The following CSMD1 variants were observed in gnomAD, a reference collection of about 807,000 sequenced individuals.
The protein encoded by CSMD1 is CUB and sushi domain-containing protein 1.
CSMD1 carries 213 observed loss-of-function variants against 417.5 expected under a neutral mutation model. The observed-to-expected ratio is 0.51, with a 90% CI of 0.46 to 0.57. CSMD1 has a LOEUF of 0.57. Ranked by LOEUF, CSMD1 falls within the 20% of genes least tolerant of loss-of-function variation. The pLI, the probability that CSMD1 is intolerant of heterozygous loss-of-function variation, is 0.00. For missense variants in CSMD1, 6,923 were observed against 4,529.7 expected (o/e 1.53, Z -15.17); for synonymous variants, 2,862 against 1,736.8 (o/e 1.65, Z -16.11).
intron 1 of CSMD1, among the ~76,000 whole-genome samples, chr8:4,809,665 T>C (rs565059379): frequency 2.6e-5 from 4 of 152,334 alleles, no homozygotes; most frequent in Admixed American, 6.5e-5. Flanking sequence ...CTAGGGGCCA[T>C]ATTTAAAAAG....
intron 3 of CSMD1, among the ~76,000 whole-genome samples, chr8:4,037,567 C>T (rs1211588200): frequency 1.3e-5 from 2 of 151,852 alleles, no homozygotes; most frequent in East Asian, 1.9e-4. Flanking sequence ...TGCAAGGTGC[C>T]GTTTTTCAAC....
At chr8:3,873,931 T>C (rs545574506) in intron 5 of CSMD1, among the ~76,000 whole-genome samples, 138 of 152,262 alleles carry the variant, frequency 9.1e-4, no homozygotes, top group African/African-American at 3.2e-3. Context: ...GATCTGACTT[T>C]GGATTCTGAA....
intron 3 of CSMD1, among the ~76,000 whole-genome samples, chr8:4,096,377 T>G (rs1801012402): frequency 6.6e-6 from 1 of 151,976 alleles, no homozygotes; most frequent in South Asian, 2.1e-4. Context: ...AGACATGGCC[T>G]AGTGGATGCC....
At chr8:4,801,141 A>T (rs575306238) in intron 1 of CSMD1, among the ~76,000 whole-genome samples, 5 of 152,288 alleles carry the variant, frequency 3.3e-5, no homozygotes, top group African/African-American at 1.2e-4. Flanking sequence ...CATTTTTTGT[A>T]TCTTACCTTA....
intron 5 of CSMD1, among the ~76,000 whole-genome samples, chr8:3,947,288 G>C (rs1291455938): frequency 5.9e-5 from 9 of 152,060 alleles, no homozygotes; most frequent in Non-Finnish European, 5.9e-5. Context: ...ACGTGATTAT[G>C]TATGCAGCTT....
chr8:4,895,173 T>A (rs1054270674), intron 1 of CSMD1, among the ~76,000 whole-genome samples: 22 of 152,288 alleles, frequency 1.4e-4, no homozygotes, highest in African/African-American at 5.3e-4. Flanking sequence ...TAATAACTAT[T>A]TGTAGAAGGT....
At chr8:3,503,953 C>T (rs143081306) in intron 10 of CSMD1, among the ~76,000 whole-genome samples, 26 of 151,704 alleles carry the variant, frequency 1.7e-4, no homozygotes, top group African/African-American at 4.6e-4. Flanking sequence ...GGGGTTAGGG[C>T]GTGGACAAGA....
rs373113545 is a variant in CSMD1, at chr8:4,402,328, T to C, written c.415+17625A>G. ...CTCTTTCCCTCCTTCAAATCTATACTTCATCATCACACTCCTTCCCCTGAC... is the reference window on the plus strand; with the variant it reads ...CTCTTTCCCTCCTTCAAATCTATACCTCATCATCACACTCCTTCCCCTGAC... On this transcript the variant is annotated intron_variant, in intron 3 of 69. Transcript: ENST00000635120. 9.2e-5 allele frequency among the ~76,000 whole-genome samples: 14 copies of C among 152,064 alleles called. No individual in the cohort carries two copies. In the East Asian group the frequency reaches 1.9e-3, roughly 21 times the overall value.
At chr8:3,276,690 T>A (rs1802319897) in intron 26 of CSMD1, among the ~76,000 whole-genome samples, 1 of 152,186 alleles carries the variant, frequency 6.6e-6, no homozygotes, top group Non-Finnish European at 1.5e-5. Flanking sequence ...TATTAAAGGC[T>A]TTACTATGAA....
chr8:3,681,406 G>C (rs899341178), intron 7 of CSMD1, among the ~76,000 whole-genome samples: 7 of 152,090 alleles, frequency 4.6e-5, no homozygotes, highest in Non-Finnish European at 8.8e-5. Context: ...CAGACAAACA[G>C]AGAGCCAAAT....
At chr8:3,202,117 G>C (rs977321169) in intron 31 of CSMD1, among the ~76,000 whole-genome samples, 1 of 152,128 alleles carries the variant, frequency 6.6e-6, no homozygotes, top group African/African-American at 2.4e-5. Flanking sequence ...GCAATGAGCT[G>C]AGATTGTACC....
chr8:4,226,933 T>C (rs1302387685), intron 3 of CSMD1, among the ~76,000 whole-genome samples: 2 of 152,214 alleles, frequency 1.3e-5, no homozygotes, highest in African/African-American at 2.4e-5. Context: ...TCTGTTTTTA[T>C]TTCATAAGGC....
intron 2 of CSMD1, among the ~76,000 whole-genome samples, chr8:4,460,572 G>T (rs963012150): frequency 1.3e-5 from 2 of 150,982 alleles, no homozygotes; most frequent in African/African-American, 2.5e-5. Flanking sequence ...TTGCTAGACT[G>T]TTCAAGAAAT....
At chr8:4,101,629 C>T (rs1340841298) in intron 3 of CSMD1, among the ~76,000 whole-genome samples, 2 of 152,102 alleles carry the variant, frequency 1.3e-5, no homozygotes, top group African/African-American at 4.8e-5. Context: ...TCTGAAGTAC[C>T]TTGGCTCATT....
chr8:4,705,178 T>G (rs968698778), intron 1 of CSMD1, among the ~76,000 whole-genome samples: 1 of 152,182 alleles, frequency 6.6e-6, no homozygotes, highest in Non-Finnish European at 1.5e-5. Flanking sequence ...ATTGTAAGTT[T>G]CCTGAGGCCT....
chr8:4,084,631 G>A (rs975794239), intron 3 of CSMD1, among the ~76,000 whole-genome samples: 2 of 152,144 alleles, frequency 1.3e-5, no homozygotes, highest in Non-Finnish European at 1.5e-5. Context: ...AGTTTGCCAA[G>A]CCCTCTTTAG....
intron 1 of CSMD1, among the ~76,000 whole-genome samples, chr8:4,684,620 AG>A (rs1395782226): frequency 6.6e-6 from 1 of 152,208 alleles, no homozygotes; most frequent in East Asian, 1.9e-4. Flanking sequence ...TTTGAAAATT[AG>A]GAATGATATT....
At position 2,951,144 on chromosome 8, in the gene CSMD1, C is replaced by T. The variant is rs866997349; in HGVS notation, c.10171G>A (p.Glu3391Lys). ...AACTTCAGCTCCACTGGCGAGGCTT[C>T]GCTGAAGGTGGCATTCACCTTACTG... The part of the protein sequence containing the change: ...TSSKVNATFS[E>K]ASPVELKLTG... The change falls in exon 66 of 70, where the codon GAA becomes AAA. Residue 3391 changes from glutamate to lysine, a missense_variant. Glu to Lys is a moderately conservative substitution (Grantham distance 56). Transcript: ENST00000635120. 12 of 1,613,522 alleles carry T rather than the reference C, an allele frequency of 7.4e-6. 1 individual carries two copies. Among genetic ancestry groups the T allele is most frequent in the Non-Finnish European group, 7.6e-6 (9 of 1,179,622 alleles).
At chr8:4,466,459 T>C (rs1159305177) in intron 2 of CSMD1, among the ~76,000 whole-genome samples, 4 of 2,262 alleles carry the variant, frequency 1.8e-3, no homozygotes, top group Non-Finnish European at 4.6e-3. Context: ...ATACTCAATA[T>C]ATAGGCAAGG....
Sources: gnomAD v4.1 joint callset for allele counts (sites outside exome capture counted in the v4.1 genomes callset) on GRCh38, gnomAD v4.1.1 for gene constraint, MANE v1.5 for transcripts, NCBI Gene and HGNC (gene_info 2026-07-23, HGNC 2026-07-21) for gene names.